The following FNBP1L variants were observed in gnomAD, a reference collection of about 807,000 sequenced individuals.
FNBP1L encodes the protein formin binding protein 1 like, also known as formin-binding protein 1-like.
FNBP1L carries 36 observed loss-of-function variants against 91.2 expected under a neutral mutation model. The ratio of observed to expected loss-of-function variants is 0.39; its 90% CI spans 0.30 to 0.52. The LOEUF is 0.52. Among genes scored for constraint, FNBP1L ranks in the 20% least tolerant of loss-of-function variants. The pLI is 0.66. For synonymous variants in FNBP1L, 242 were observed against 237.0 expected, an observed-to-expected ratio of 1.02 and a Z score of -0.19; for missense variants, 571 against 732.1, an observed-to-expected ratio of 0.78 and a Z score of 2.54.
chr1:93,462,663 T>G lies in FNBP1L; in HGVS notation c.24+14358T>G, dbSNP rs1469226448. Among the ~76,000 whole-genome samples, 3 of 152,182 alleles carry G rather than the reference T, an allele frequency of 2.0e-5. No homozygotes were observed. The East Asian group carries it at 5.8e-4, about 29-fold the overall frequency. ...GAAAATGTCCGATGTTTTTTCATGATTAGACTGGAGTTAATGGGTTTTGGG... is the reference window on the plus strand; with the variant it reads ...GAAAATGTCCGATGTTTTTTCATGAGTAGACTGGAGTTAATGGGTTTTGGG... On this transcript the variant is annotated intron_variant, in intron 1 of 16. Transcript: ENST00000271234.
chr1:93,513,185 C>T (rs1315759715), intron 2 of FNBP1L, among the ~76,000 whole-genome samples: 1 of 151,926 alleles, frequency 6.6e-6, no homozygotes, highest in Non-Finnish European at 1.5e-5. Flanking sequence ...TGGATAAATT[C>T]CTCGACACAT....
At chr1:93,487,789 G>T (rs754881514) in intron 1 of FNBP1L, among the ~76,000 whole-genome samples, 1 of 152,094 alleles carries the variant, frequency 6.6e-6, no homozygotes, top group Non-Finnish European at 1.5e-5. Flanking sequence ...TCCTTTGCTG[G>T]TTCTTCATCA....
At chr1:93,499,317 C>T (rs1011892771) in intron 1 of FNBP1L, 151 bp from the exon 2 acceptor site, 1 of 624,438 alleles carries the variant, frequency 1.6e-6, no homozygotes, top group Non-Finnish European at 2.9e-6. Context: ...ATTTCTAGGT[C>T]TTAAAGGGTG....
At chr1:93,505,110 CTTTTT>C (rs61426757) in intron 2 of FNBP1L, among the ~76,000 whole-genome samples, 5 of 125,226 alleles carry the variant, frequency 4.0e-5, no homozygotes, top group Admixed American at 8.5e-5. Context: ...CAGCTTCATT[CTTTTT>C]TTTTTTTTTT....
At chr1:93,448,703 G>T (rs1293252382) in intron 1 of FNBP1L, among the ~76,000 whole-genome samples, 1 of 152,112 alleles carries the variant, frequency 6.6e-6, no homozygotes, top group Non-Finnish European at 1.5e-5. Flanking sequence ...GGGGGAGGGG[G>T]CCCATTGTCC....
At chr1:93,475,376 TA>T (rs1669455893) in intron 1 of FNBP1L, among the ~76,000 whole-genome samples, 1 of 151,942 alleles carries the variant, frequency 6.6e-6, no homozygotes, top group Admixed American at 6.6e-5. Context: ...CACCTTCGTC[TA>T]AAAAAATACA....
intron 2 of FNBP1L, among the ~76,000 whole-genome samples, chr1:93,505,899 G>A (rs1037652618): frequency 1.3e-5 from 2 of 152,046 alleles, no homozygotes; most frequent in Non-Finnish European, 2.9e-5. Context: ...GGCTGGTCTC[G>A]GACTCCTGAC....
intron 1 of FNBP1L, among the ~76,000 whole-genome samples, chr1:93,480,803 C>T (rs1334690134): frequency 6.6e-6 from 1 of 152,084 alleles, no homozygotes; most frequent in Non-Finnish European, 1.5e-5. Context: ...ACCTCGTGAT[C>T]CGCCTGCCTC....
At chr1:93,530,996 G>A in intron 7 of FNBP1L, 113 bp downstream of exon 7, 1 of 831,382 alleles carries the variant, frequency 1.2e-6, no homozygotes, top group Non-Finnish European at 1.8e-6. Flanking sequence ...TCAGGGTTGG[G>A]GTGAGAGATT....
At chr1:93,517,675 T>A (rs1023821587) in intron 2 of FNBP1L, among the ~76,000 whole-genome samples, 2 of 152,228 alleles carry the variant, frequency 1.3e-5, no homozygotes, top group African/African-American at 4.8e-5. Context: ...GGGACATAGT[T>A]TGTTTACCTG....
intron 2 of FNBP1L, among the ~76,000 whole-genome samples, chr1:93,500,562 G>GC (rs1670412059): frequency 6.7e-6 from 1 of 149,456 alleles, no homozygotes; most frequent in Non-Finnish European, 1.5e-5. Context: ...AGAAATACTA[G>GC]CAGAGGGTCT....
At chr1:93,533,715 A>G (rs945751841) in intron 8 of FNBP1L, among the ~76,000 whole-genome samples, 1 of 152,196 alleles carries the variant, frequency 6.6e-6, no homozygotes, top group African/African-American at 2.4e-5. Context: ...TCAAGTAGAT[A>G]TTATATTAGT....
chr1:93,490,398 A>G (rs575520162), intron 1 of FNBP1L, among the ~76,000 whole-genome samples: 2 of 152,334 alleles, frequency 1.3e-5, no homozygotes, highest in East Asian at 1.9e-4. Flanking sequence ...ATATTTTACA[A>G]AATTAAAAAA....
At chr1:93,511,965 CAAAAAAAAAAAA>C (rs34752421) in intron 2 of FNBP1L, among the ~76,000 whole-genome samples, 8 of 66,288 alleles carry the variant, frequency 1.2e-4, no homozygotes, top group African/African-American at 4.0e-4. Context: ...GACTCCGTCT[CAAAAAAAAAAAA>C]AAAAAAAAAA....
chr1:93,534,604 A>T, intron 8 of FNBP1L, 101 bp from the exon 9 acceptor site: 4 of 676,102 alleles, frequency 5.9e-6, no homozygotes, highest in Admixed American at 3.0e-5. Flanking sequence ...TTATTTATTT[A>T]AACTTATATT....
intron 15 of FNBP1L, among the ~76,000 whole-genome samples, chr1:93,550,703 T>A (rs1672379977): frequency 6.6e-6 from 1 of 152,226 alleles, no homozygotes; most frequent in Admixed American, 6.5e-5. Flanking sequence ...CTCAGTTAAC[T>A]TCATCCGTTA....
chr1:93,488,490 ATCTATT>A (rs1195589993), intron 1 of FNBP1L: 1 of 152,140 alleles, frequency 6.6e-6, no homozygotes, highest in Non-Finnish European at 1.5e-5. Context: ...AACTCCAGTG[ATCTATT>A]TAAAAACTTG....
intron 1 of FNBP1L, among the ~76,000 whole-genome samples, chr1:93,459,620 A>G (rs1475178332): frequency 5.3e-5 from 8 of 152,210 alleles, no homozygotes; most frequent in Non-Finnish European, 8.8e-5. Context: ...TACATTGTTG[A>G]TGGGAATGTA....
chr1:93,516,462 T>C (rs1671120151), intron 2 of FNBP1L, among the ~76,000 whole-genome samples: 1 of 152,178 alleles, frequency 6.6e-6, no homozygotes, highest in Non-Finnish European at 1.5e-5. Flanking sequence ...TTCTTAATTG[T>C]CCATCATCTG....
Sources: allele counts gnomAD v4.1 joint callset (sites outside exome capture counted in the v4.1 genomes callset), GRCh38; gene constraint gnomAD v4.1.1; transcripts MANE v1.5; gene names NCBI Gene and HGNC (gene_info 2026-07-23, HGNC 2026-07-21).